ITSN2: variants seen among roughly 807,000 people sequenced by gnomAD.
ITSN2 encodes the protein intersectin-2.
ITSN2 carries 156 observed loss-of-function variants against 243.7 expected under a neutral mutation model. The observed-to-expected ratio is 0.64, with a 90% CI of 0.56 to 0.73. ITSN2 has a LOEUF of 0.73. Ranked by LOEUF, ITSN2 falls within the 30% of genes least tolerant of loss-of-function variation. The probability of loss-of-function intolerance (pLI) is 0.00; values close to 1 mark genes in which losing one functional copy is unlikely to be tolerated. For missense variants in ITSN2, 1,801 were observed against 1,996.1 expected (o/e 0.90, Z 1.86); for synonymous variants, 703 against 699.9 (o/e 1.00, Z -0.07).
At chr2:24,254,468 C>A in intron 23 of ITSN2, 37 bp from the exon 24 acceptor site, 2 of 1,490,598 alleles carry the variant, frequency 1.3e-6, no homozygotes, top group Non-Finnish European at 9.3e-7. Flanking sequence ...AACAAACAAA[C>A]AAATACAAGC....
chr2:24,347,237 A>T (rs1214875490), intron 1 of ITSN2, among the ~76,000 whole-genome samples: 1 of 152,228 alleles, frequency 6.6e-6, no homozygotes, highest in Non-Finnish European at 1.5e-5. Flanking sequence ...TACCAATATT[A>T]GAAAAAATAC....
chr2:24,351,033 C>T (rs756515310), intron 1 of ITSN2, among the ~76,000 whole-genome samples: 17 of 152,144 alleles, frequency 1.1e-4, no homozygotes, highest in Non-Finnish European at 1.9e-4. Flanking sequence ...TTTAAAAAAT[C>T]TATTCACGTG....
intron 1 of ITSN2, among the ~76,000 whole-genome samples, chr2:24,328,322 A>G (rs1005430193): frequency 3.3e-5 from 5 of 152,214 alleles, no homozygotes; most frequent in Non-Finnish European, 4.4e-5. Flanking sequence ...GCCTTAATAC[A>G]GAAAAACAGT....
upstream of ITSN2, among the ~76,000 whole-genome samples, chr2:24,361,157 TA>T (rs1688978090): frequency 6.6e-6 from 1 of 152,118 alleles, no homozygotes; most frequent in Non-Finnish European, 1.5e-5. Context: ...CCCTCTACGC[TA>T]GTCACACTCC....
chr2:24,259,301 T>C (rs1196158049), intron 22 of ITSN2, among the ~76,000 whole-genome samples: 1 of 152,244 alleles, frequency 6.6e-6, no homozygotes, highest in Non-Finnish European at 1.5e-5. Flanking sequence ...CATTTCCTAA[T>C]AATCTTCTAA....
chr2:24,336,190 C>T (rs369242129), intron 1 of ITSN2, among the ~76,000 whole-genome samples: 12 of 146,326 alleles, frequency 8.2e-5, no homozygotes, highest in African/African-American at 2.8e-4. Flanking sequence ...TGCAGTGAGC[C>T]GAGATGGAGC....
intron 12 of ITSN2, 86 bp from the exon 13 acceptor site, chr2:24,298,900 G>T: frequency 1.6e-6 from 2 of 1,257,154 alleles, no homozygotes; most frequent in Non-Finnish European, 2.2e-6. Context: ...TAAAAGTCAG[G>T]CAGAGTTTAG....
In ITSN2 at chr2:24,300,736, T is replaced by C. The variant is rs574119787; in HGVS notation, c.1081+418A>G. 3.3e-5 allele frequency among the ~76,000 whole-genome samples: 5 copies of C among 152,250 alleles called. No homozygotes were observed. The East Asian group carries it at 9.6e-4, about 29-fold the overall frequency. On this transcript the variant is annotated intron_variant, in intron 11 of 39. Coordinates refer to ENST00000355123, the MANE Select transcript of ITSN2 (RefSeq NM_006277.3). ...AAAAAAAACTTTTTCAACTTTTTTC[T>C]CTTCTTCAAGGACAATCAAAGCTGT...
At chr2:24,282,345 A>G (rs1446666576) in intron 17 of ITSN2, among the ~76,000 whole-genome samples, 1 of 152,230 alleles carries the variant, frequency 6.6e-6, no homozygotes, top group East Asian at 1.9e-4. Flanking sequence ...GTGAGAAATC[A>G]GGTTGCGGCC....
chr2:24,283,017 CAAAAAAA>C (rs765516566), intron 17 of ITSN2, among the ~76,000 whole-genome samples: 2 of 101,132 alleles, frequency 2.0e-5, no homozygotes, highest in African/African-American at 3.7e-5. Flanking sequence ...TTTCTTAAAC[CAAAAAAA>C]AAAAAAAAAA....
intron 1 of ITSN2, among the ~76,000 whole-genome samples, chr2:24,337,331 T>TATATATATATATATATATATAC (rs1686529732): frequency 3.3e-4 from 1 of 3,064 alleles, no homozygotes; most frequent in Non-Finnish European, 7.4e-4. Flanking sequence ...TATATATATA[T>TATATATATATATATATATATAC]ATATATATAT....
At chr2:24,222,069 G>A (rs560020029) in intron 29 of ITSN2, among the ~76,000 whole-genome samples, 14 of 152,130 alleles carry the variant, frequency 9.2e-5, no homozygotes, top group South Asian at 8.3e-4. Context: ...TGGCTAACAC[G>A]GTGAAACCCC....
At chr2:24,224,410 A>C (rs983674341) in intron 29 of ITSN2, among the ~76,000 whole-genome samples, 1 of 152,256 alleles carries the variant, frequency 6.6e-6, no homozygotes, top group African/African-American at 2.4e-5. Context: ...GTTGAGCACC[A>C]CAAGGATACA....
intron 22 of ITSN2, among the ~76,000 whole-genome samples, chr2:24,260,761 A>G (rs1675738809): frequency 6.6e-6 from 1 of 151,862 alleles, no homozygotes; most frequent in Non-Finnish European, 1.5e-5. Flanking sequence ...TACAAAAATT[A>G]GGCATGGTGG....
intron 16 of ITSN2, among the ~76,000 whole-genome samples, chr2:24,285,236 G>A (rs1054870813): frequency 6.6e-6 from 1 of 152,100 alleles, no homozygotes; most frequent in Non-Finnish European, 1.5e-5. Flanking sequence ...AGATAAGTTG[G>A]CTGGCTTGTC....
At chr2:24,214,369 T>C (rs1220166138) in intron 32 of ITSN2, 1 of 152,218 alleles carries the variant, frequency 6.6e-6, no homozygotes. Flanking sequence ...TCTGTTCCTT[T>C]AGAGTTGGAG....
intron 8 of ITSN2, 129 bp downstream of exon 8, chr2:24,308,488 T>A (rs1008874280): frequency 1.4e-5 from 7 of 515,686 alleles, no homozygotes; most frequent in Admixed American, 6.3e-5. Flanking sequence ...ATTTATCAAA[T>A]GCCTGCTAAA....
intron 3 of ITSN2, among the ~76,000 whole-genome samples, chr2:24,314,805 A>G (rs1049921911): frequency 6.6e-6 from 1 of 152,242 alleles, no homozygotes; most frequent in African/African-American, 2.4e-5. Flanking sequence ...CCAGAAAAAA[A>G]AAGTCTAGAT....
chr2:24,335,359 G>C (rs1044877036), intron 1 of ITSN2, among the ~76,000 whole-genome samples: 1 of 152,098 alleles, frequency 6.6e-6, no homozygotes, highest in Non-Finnish European at 1.5e-5. Flanking sequence ...TTAAGACAAA[G>C]TATCACCCTG....
Sources: gnomAD v4.1 joint callset for allele counts (sites outside exome capture counted in the v4.1 genomes callset) on GRCh38, gnomAD v4.1.1 for gene constraint, MANE v1.5 for transcripts, NCBI Gene and HGNC (gene_info 2026-07-23, HGNC 2026-07-21) for gene names.